GMPR2: variants seen among roughly 807,000 people sequenced by gnomAD.
The protein encoded by GMPR2 is guanosine monophosphate reductase 2.
In GMPR2, 32 loss-of-function variants were observed where a neutral mutation model predicts 38.5. The ratio of observed to expected loss-of-function variants is 0.83; its 90% CI spans 0.63 to 1.12. The LOEUF (loss-of-function observed/expected upper bound fraction) is 1.12. Among genes scored for constraint, GMPR2 ranks in the 50% most tolerant of loss-of-function variants. The pLI, the probability that GMPR2 is intolerant of heterozygous loss-of-function variation, is 0.00. For synonymous variants in GMPR2, 154 were observed against 151.0 expected, an observed-to-expected ratio of 1.02 and a Z score of -0.15; for missense variants, 396 against 432.1, an observed-to-expected ratio of 0.92 and a Z score of 0.74.
At chr14:24,234,204 C>T (rs1381520229) in intron 3 of GMPR2, 2 of 1,289,400 alleles carry the variant, frequency 1.6e-6, no homozygotes, top group Non-Finnish European at 2.0e-6. Context: ...CTGCTCCTGT[C>T]AGTACTATTA....
rs1267130530 is a variant in GMPR2, at chr14:24,239,000, A to C, written c.*222A>C. On this transcript the variant is annotated 3_prime_UTR_variant, in exon 10 of 10. Transcript: ENST00000399440. Reference sequence around the variant, plus strand: ...AGCAAGGAAGCAAACAGTCTGAGAAAATGATGCAAGAAAATCAAATGGGAA... The same window carrying C: ...AGCAAGGAAGCAAACAGTCTGAGAACATGATGCAAGAAAATCAAATGGGAA... 1 of 633,298 alleles carries C rather than the reference A, an allele frequency of 1.6e-6. No homozygotes were observed. Among genetic ancestry groups the C allele is most frequent in the Admixed American group, 2.1e-5 (1 of 47,784 alleles). 39.2% of individuals were successfully genotyped at this position (633,298 alleles called of 1,614,324 possible). A position where few individuals can be genotyped will look rare whatever the true frequency, so the allele number is the denominator to read the frequency against.
chr14:24,233,531 G>C lies in GMPR2; in HGVS notation c.140G>C (p.Gly47Ala). Residue 47 changes from glycine to alanine, a missense_variant, in exon 3 of 10, where the codon GGG (glycine) becomes GCG (alanine). Transcript: ENST00000399440. ...CGGAACTCAAAGCAGACATACTCTG[G>C]GGTTCCCATCATTGCTGCCAATATG... ...SFRNSKQTYS[G>A]VPIIAANMDT... The C allele has an allele frequency of 6.2e-7, 1 of 1,613,962 alleles. No individual in the cohort carries two copies.
chr14:24,233,407 T>C (rs1256858698), intron 2 of GMPR2, 67 bp downstream of exon 2: 3 of 1,609,242 alleles, frequency 1.9e-6, no homozygotes, highest in African/African-American at 1.3e-5. Context: ...CCAAGAAAGA[T>C]GCCTGTCCTT....
upstream of GMPR2, chr14:24,232,668 C>G (rs1056389381): frequency 3.8e-6 from 1 of 260,110 alleles, no homozygotes; most frequent in African/African-American, 2.2e-5. Flanking sequence ...TGCGTGAACT[C>G]TGTTATCCAG....
intron 3 of GMPR2, chr14:24,235,455 T>G: frequency 2.2e-6 from 1 of 463,154 alleles, no homozygotes. Context: ...GCTTGTCACC[T>G]TTTAAGTCAG....
rs370108318 is a variant in GMPR2, at chr14:24,233,240, C to G, written c.-14C>G. ...CCAGCCCTCAGATTCATCGCTACCCCGAGGCTAAGCGCCATGCCTCATATT... is the reference window on the plus strand; with the variant it reads ...CCAGCCCTCAGATTCATCGCTACCCGGAGGCTAAGCGCCATGCCTCATATT... On this transcript the variant is annotated 5_prime_UTR_variant, in exon 2 of 10. Transcript: ENST00000399440. 8 of 1,613,936 alleles carry G rather than the reference C, an allele frequency of 5.0e-6. No individual in the cohort carries two copies. The highest frequency in any genetic ancestry group is 1.7e-5 in the Admixed American group (1 of 60,024).
At position 24,235,995 on chromosome 14, in the gene GMPR2, C is replaced by T. The variant is rs769743718; in HGVS notation, c.320C>T (p.Ser107Phe). 3 of 1,614,134 alleles carry T rather than the reference C, an allele frequency of 1.9e-6. No homozygotes were observed. Among genetic ancestry groups the T allele is most frequent in the Non-Finnish European group, 2.5e-6 (3 of 1,179,976 alleles). Reference protein sequence around the residue: ...EHLAASSGTGSSDFEQLEQIL... With the variant: ...EHLAASSGTGFSDFEQLEQIL... ...CTGGCTGCCAGCTCAGGCACAGGCT[C>T]TTCTGACTTTGAGCAGCTGGAACAG... The change falls in exon 5 of 10, where the codon TCT (serine) becomes TTT (phenylalanine). Residue 107 changes from serine to phenylalanine, a missense_variant. Coordinates refer to ENST00000399440, the MANE Select transcript of GMPR2 (RefSeq NM_001002002.3).
In GMPR2 at chr14:24,238,652, C is replaced by T. The variant is rs752933455; in HGVS notation, c.921C>T (p.Asp307=). 5.6e-6 allele frequency: 9 copies of T among 1,613,920 alleles called. No individual in the cohort carries two copies. The Admixed American group carries it at 1.3e-4, about 24-fold the overall frequency. The change falls in exon 10 of 10, where the codon GAC becomes GAT. Residue 307 remains aspartate (D), a synonymous_variant. Coordinates refer to ENST00000399440, the MANE Select transcript of GMPR2 (RefSeq NM_001002002.3). ...FKGDVEHTIR[D]ILGGIRSTCT... ...GAGATGTGGAACATACCATCCGAGA[C>T]ATCCTAGGAGGGATCCGCTCTACGT...
chr14:24,235,464 A>G, intron 3 of GMPR2: 1 of 485,514 alleles, frequency 2.1e-6, no homozygotes, highest in East Asian at 3.5e-5. Context: ...CTTTTAAGTC[A>G]GAAGCAGTGA....
chr14:24,237,566 AG>A lies in GMPR2; in HGVS notation c.697+6del. 1 of 1,613,138 alleles carries A rather than the reference AG, an allele frequency of 6.2e-7. No homozygotes were observed. Among genetic ancestry groups the A allele is most frequent in the East Asian group, 2.2e-5 (1 of 44,890 alleles). ...GGGGATGTGGCCAAGGCTTTTGGTAAGGAGCTTGAGGGCACAGAAGGATGAT... is the reference window on the plus strand; with the variant it reads ...GGGGATGTGGCCAAGGCTTTTGGTAAGAGCTTGAGGGCACAGAAGGATGAT... On this transcript the variant is annotated splice_donor_5th_base_variant and intron_variant, in intron 8 of 9. Coordinates refer to ENST00000399440, the MANE Select transcript of GMPR2 (RefSeq NM_001002002.3).
At chr14:24,237,646 C>G (rs1481352405) in intron 8 of GMPR2, 84 bp downstream of exon 8, 17 of 1,175,870 alleles carry the variant, frequency 1.4e-5, no homozygotes, top group Non-Finnish European at 1.9e-5. Context: ...CTAAGAGAGG[C>G]TCAGGAAGTC....
chr14:24,236,748 C>G (rs1247205909), intron 5 of GMPR2, among the ~76,000 whole-genome samples: 2 of 152,202 alleles, frequency 1.3e-5, no homozygotes, highest in Non-Finnish European at 2.9e-5. Flanking sequence ...TCACTGAATG[C>G]TCCTCCATGC....
chr14:24,238,506 G>T (rs925658466), intron 9 of GMPR2, 83 bp from the exon 10 acceptor site: 42 of 1,614,028 alleles, frequency 2.6e-5, no homozygotes, highest in Non-Finnish European at 3.4e-5. Flanking sequence ...GGTGAACCGG[G>T]GCTCAATGCT....
intron 6 of GMPR2, 42 bp from the exon 7 acceptor site, chr14:24,237,203 C>T: frequency 1.3e-6 from 2 of 1,545,580 alleles, no homozygotes; most frequent in Non-Finnish European, 1.8e-6. Context: ...TGGCAAACAC[C>T]TGTGGAGCAC....
At chr14:24,238,496 G>C in intron 9 of GMPR2, 91 bp downstream of exon 9, 5 of 1,614,036 alleles carry the variant, frequency 3.1e-6, no homozygotes, top group Non-Finnish European at 4.2e-6. Flanking sequence ...AGAGAAGCAT[G>C]GTGAACCGGG....
chr14:24,236,456 A>T (rs1050843788), intron 5 of GMPR2, among the ~76,000 whole-genome samples: 1 of 152,206 alleles, frequency 6.6e-6, no homozygotes, highest in Non-Finnish European at 1.5e-5. Flanking sequence ...CTAGTCACAT[A>T]AAAAGGGGTC....
chr14:24,235,062 G>C (rs2040272963), intron 3 of GMPR2, among the ~76,000 whole-genome samples: 1 of 152,172 alleles, frequency 6.6e-6, no homozygotes, highest in South Asian at 2.1e-4. Flanking sequence ...TCAAAGTATT[G>C]GGATATTGTT....
chr14:24,238,823 G>A lies in GMPR2; in HGVS notation c.*45G>A, dbSNP rs944855446. 5.1e-6 allele frequency: 8 copies of A among 1,560,176 alleles called. No individual in the cohort carries two copies. In the Admixed American group the frequency reaches 1.0e-4, roughly 20 times the overall value. ...CCCAAGGCACCAGTACTCTACCATG[G>A]GGCATCCCAAGTGGGGTCCTCACCC... On this transcript the variant is annotated 3_prime_UTR_variant, in exon 10 of 10. Coordinates refer to ENST00000399440, the MANE Select transcript of GMPR2 (RefSeq NM_001002002.3).
rs1304450327 is a variant in GMPR2 at position 24,235,743 on chromosome 14, C to A, written c.214C>A (p.Leu72Ile). 1.2e-6 allele frequency: 2 copies of A among 1,609,884 alleles called. No individual in the cohort carries two copies. The highest frequency in any genetic ancestry group is 8.5e-7 in the Non-Finnish European group (1 of 1,176,220). Reference protein sequence around the residue: ...EMAKVLCKFSLFTAVHKHYSL... With the variant: ...EMAKVLCKFSIFTAVHKHYSL... ...TTCTTTGTCTTCTCCCCAGTTCTCT[C>A]TCTTCACTGCTGTCCATAAGCACTA... The change falls in exon 4 of 10, where the codon CTC becomes ATC. Residue 72 changes from leucine (L) to isoleucine (I), a missense_variant. Physicochemically the swap from Leu to Ile is conservative, Grantham distance 5 (BLOSUM62 2). Transcript: ENST00000399440.
Sources: gnomAD v4.1 joint callset for allele counts (sites outside exome capture counted in the v4.1 genomes callset) on GRCh38, gnomAD v4.1.1 for gene constraint, MANE v1.5 for transcripts, NCBI Gene and HGNC (gene_info 2026-07-23, HGNC 2026-07-21) for gene names.